PRAMEF10: variants seen among roughly 807,000 people sequenced by gnomAD.
The protein encoded by PRAMEF10 is PRAME family member 10.
A neutral mutation model predicts 27.7 loss-of-function variants in PRAMEF10; 4 were observed. The ratio of observed to expected loss-of-function variants is 0.14; its 90% CI spans 0.07 to 0.33. PRAMEF10 has a LOEUF of 0.33. Ranked by LOEUF, PRAMEF10 falls within the 10% of genes least tolerant of loss-of-function variation. The pLI is 1.00. For synonymous variants in PRAMEF10, 46 were observed against 176.0 expected (o/e 0.26, Z 5.85); for missense variants, 99 against 453.9 (o/e 0.22, Z 7.10).
intron 3 of PRAMEF10, among the ~76,000 whole-genome samples, chr1:12,894,201 C>G (rs1214909273): frequency 2.0e-5 from 3 of 147,410 alleles, no homozygotes; most frequent in African/African-American, 7.5e-5. Context: ...GCATGAGACA[C>G]CACAACCGGC....
At position 12,893,397 on chromosome 1, in the gene PRAMEF10, T is replaced by G. The variant is rs1429542330; in HGVS notation, c.944A>C (p.Gln315Pro). 3.7e-6 allele frequency: 6 copies of G among 1,606,488 alleles called. No homozygotes were observed. The East Asian group carries it at 1.3e-4, about 36-fold the overall frequency. Residue 315 changes from glutamine to proline, a missense_variant, in exon 4 of 4, where the codon CAG becomes CCG. Coordinates refer to ENST00000235347, the MANE Select transcript of PRAMEF10 (RefSeq NM_001039361.4). ...CTTTAGCTGACTGAGGCTTGGGTACTGAGACAGACACTCCATGTCCCGATC... is the reference window on the plus strand; with the variant it reads ...CTTTAGCTGACTGAGGCTTGGGTACGGAGACAGACACTCCATGTCCCGATC... The part of the protein sequence containing the change: ...LTDRDMECLS[Q>P]YPSLSQLKEL...
intron 1 of PRAMEF10, among the ~76,000 whole-genome samples, chr1:12,897,645 T>C (rs981210897): frequency 6.7e-6 from 1 of 149,628 alleles, no homozygotes; most frequent in South Asian, 2.1e-4. Context: ...TCACTTGAGG[T>C]CAGGAGTTTG....
intron 1 of PRAMEF10, among the ~76,000 whole-genome samples, chr1:12,896,415 T>TA (rs1262447274): frequency 1.3e-5 from 2 of 150,530 alleles, no homozygotes; most frequent in Non-Finnish European, 1.5e-5. Context: ...ACACACCTCT[T>TA]ACGCATGTTC....
chr1:12,893,327 C>T lies in PRAMEF10; in HGVS notation c.1014G>A (p.Glu338=), dbSNP rs1196064753. ...CTTTCTCCAGCAGAACTCCAAGGGG[C>T]TCAAGATTGGTGGTCCACATTAGGA... ...IHILMWTTNL[E]PLGVLLEKVA... The change falls in exon 4 of 4, where the codon GAG becomes GAA. Residue 338 remains glutamate (E), a synonymous_variant. Coordinates refer to ENST00000235347, the MANE Select transcript of PRAMEF10 (RefSeq NM_001039361.4). 6 of 1,611,618 alleles carry T rather than the reference C, an allele frequency of 3.7e-6. No homozygotes were observed. Among genetic ancestry groups the T allele is most frequent in the African/African-American group, 2.7e-5 (2 of 74,664 alleles).
At position 12,893,672 on chromosome 1, in the gene PRAMEF10, A is replaced by G. The variant is rs1164503655; in HGVS notation, c.867-198T>C. Among the ~76,000 whole-genome samples, 784 of 92,788 alleles carry G rather than the reference A, an allele frequency of 8.4e-3. 2 individuals are homozygous for G. Among genetic ancestry groups the G allele is most frequent in the Middle Eastern group, 0.016 (4 of 248 alleles). The allele number at this position is 92,788 out of a possible 152,430, so 60.9% of individuals were successfully genotyped here. The stretch of plus-strand genomic sequence containing the variant: ...TTCCCATCATCAGATGATGGTCTGC[A>G]TGCAAGGTGCTGCCTGATGAAGACT... On this transcript the variant is annotated intron_variant, in intron 3 of 3. Coordinates refer to ENST00000235347, the MANE Select transcript of PRAMEF10 (RefSeq NM_001039361.4).
chr1:12,893,342 C>T lies in PRAMEF10; in HGVS notation c.999G>A (p.Trp333Ter). ...KELRLIHILM[W>*]TTNLEPLGVL... ...CTCCAAGGGGCTCAAGATTGGTGGT[C>T]CACATTAGGATATGAATCAGACGCA... The change falls in exon 4 of 4, where the codon TGG becomes TGA. Residue 333 changes from tryptophan to a stop codon, truncating the protein, a stop_gained. Coordinates refer to ENST00000235347, the MANE Select transcript of PRAMEF10 (RefSeq NM_001039361.4). LOFTEE classifies it high-confidence loss of function. 1.2e-6 allele frequency: 2 copies of T among 1,611,680 alleles called. No individual in the cohort carries two copies. Among genetic ancestry groups the T allele is most frequent in the Admixed American group, 3.3e-5 (2 of 59,968 alleles).
rs1221735155 is a variant in PRAMEF10, at chr1:12,892,980, G to A, written c.1361C>T (p.Pro454Leu). The change falls in exon 4 of 4, where the codon CCC (proline) becomes CTC (leucine). Residue 454 changes from proline to leucine, a missense_variant. Pro to Leu is a moderately conservative substitution (Grantham distance 98, BLOSUM62 -3). Transcript: ENST00000235347. ...VRQPKRIFFG[P>L]VPCPNCGSWP... ...TGAGCCACAGTTAGGGCAAGGGACG[G>A]GACCAAAGAAGATCCTCTTGGGCTG... The A allele has an allele frequency of 5.7e-6, 9 of 1,574,522 alleles. 1 individual carries two copies. Among genetic ancestry groups the A allele is most frequent in the South Asian group, 1.1e-5 (1 of 89,492 alleles).
intron 1 of PRAMEF10, among the ~76,000 whole-genome samples, chr1:12,897,388 T>A (rs934946046): frequency 2.7e-5 from 4 of 149,980 alleles, no homozygotes; most frequent in Non-Finnish European, 5.9e-5. Flanking sequence ...TGGTTAAGAT[T>A]TTTTTTCTGT....
chr1:12,897,855 C>G (rs1451108514), intron 1 of PRAMEF10, among the ~76,000 whole-genome samples: 1 of 147,892 alleles, frequency 6.8e-6, no homozygotes, highest in African/African-American at 2.6e-5. Flanking sequence ...AGACTCCATC[C>G]CCCCTTCAAT....
chr1:12,894,001 A>G (rs1416392127), intron 3 of PRAMEF10, among the ~76,000 whole-genome samples: 1 of 144,372 alleles, frequency 6.9e-6, no homozygotes, highest in Non-Finnish European at 1.5e-5. Flanking sequence ...GACTCAGCTC[A>G]CTGCAGCCTC....
At position 12,893,285 on chromosome 1, in the gene PRAMEF10, C is replaced by T. The variant is rs1427373417; in HGVS notation, c.1056G>A (p.Lys352=). 1.9e-6 allele frequency: 3 copies of T among 1,611,654 alleles called. No individual in the cohort carries two copies. The highest frequency in any genetic ancestry group is 2.7e-5 in the African/African-American group (2 of 74,690). Residue 352 remains lysine, a synonymous_variant, in exon 4 of 4, where the codon AAG becomes AAA. Transcript: ENST00000235347. ...TCCGACAGTCCTTTAAGACGAGGGT[C>T]TTGAGAGTAGCAGCAACTTTCTCCA... The part of the protein sequence containing the change: ...VLLEKVAATL[K]TLVLKDCRIQ...
intron 1 of PRAMEF10, among the ~76,000 whole-genome samples, chr1:12,896,117 A>C (rs1471870711): frequency 1.4e-5 from 2 of 147,598 alleles, no homozygotes; most frequent in African/African-American, 5.0e-5. Flanking sequence ...CACTGTTGCA[A>C]TAAACTCATA....
chr1:12,895,039 C>T lies in PRAMEF10; in HGVS notation c.413G>A (p.Cys138Tyr), dbSNP rs199999065. 10 of 1,609,260 alleles carry T rather than the reference C, an allele frequency of 6.2e-6. No individual in the cohort carries two copies. Among genetic ancestry groups the T allele is most frequent in the South Asian group, 1.1e-5 (1 of 90,886 alleles). ...GGGCTGGCGCTCTCCCATCCTTGGACAGTCCTCCACTGTCTGCCTCTTACT... is the reference window on the plus strand; with the variant it reads ...GGGCTGGCGCTCTCCCATCCTTGGATAGTCCTCCACTGTCTGCCTCTTACT... ...AMSKRQTVED[C>Y]PRMGERQPLK... is the part of the protein sequence containing the mutation. Residue 138 changes from cysteine to tyrosine, a missense_variant, in exon 3 of 4, where the codon TGT (cysteine) becomes TAT (tyrosine). Transcript: ENST00000235347.
Position 12,895,169 on chromosome 1 carries a change from G to A in PRAMEF10, c.288-5C>T, listed in dbSNP as rs1192297785. The stretch of plus-strand genomic sequence containing the variant: ...AGCACTTGAAGTTTCCACCTCCTAT[G>A]AGTAACATAGGGGAAAAGCTCAGAA... On this transcript the variant is annotated splice_region_variant and splice_polypyrimidine_tract_variant and intron_variant, in intron 2 of 3. Coordinates refer to ENST00000235347, the MANE Select transcript of PRAMEF10 (RefSeq NM_001039361.4). The A allele has an allele frequency of 2.1e-6, 3 of 1,406,154 alleles. No individual in the cohort carries two copies. Among genetic ancestry groups the A allele is most frequent in the African/African-American group, 1.7e-5 (1 of 57,272 alleles). The allele number at this position is 1,406,154 out of a possible 1,614,324, so 87.1% of individuals were successfully genotyped here.
intron 2 of PRAMEF10, 98 bp from the exon 3 acceptor site, chr1:12,895,262 G>C: frequency 7.0e-6 from 5 of 718,662 alleles, no homozygotes; most frequent in South Asian, 3.3e-5. Context: ...AGCTGCTCCT[G>C]TCCTCAGTGC....
At chr1:12,893,551 A>C in intron 3 of PRAMEF10, 77 bp from the exon 4 acceptor site, 1 of 1,222,178 alleles carries the variant, frequency 8.2e-7, no homozygotes, top group African/African-American at 1.7e-5. Context: ...TCAATGGTAA[A>C]CTTGAAGTGG....
In PRAMEF10 at chr1:12,893,194, T is replaced by A. The variant is rs201082796; in HGVS notation, c.1147A>T (p.Asn383Tyr). Residue 383 changes from asparagine to tyrosine, a missense_variant, in exon 4 of 4, where the codon AAC becomes TAC. Physicochemically the swap from Asn to Tyr is moderately radical, Grantham distance 143 (BLOSUM62 -2). Coordinates refer to ENST00000235347, the MANE Select transcript of PRAMEF10 (RefSeq NM_001039361.4). ...LSHCSQLTTFNFHGNETSMNA... is the reference protein window; with the variant it reads ...LSHCSQLTTFYFHGNETSMNA... ...ATGGAGGTCTCATTTCCATGAAAGT[T>A]GAAGGTGGTGAGCTGGGAACAGTGG... 6,921 of 1,594,942 alleles carry A rather than the reference T, an allele frequency of 4.3e-3. 21 individuals are homozygous for A. In the African/African-American group the frequency reaches 0.056, roughly 13 times the overall value.
Position 12,893,250 on chromosome 1 carries a change from G to C in PRAMEF10, c.1091C>G (p.Pro364Arg), listed in dbSNP as rs1641156381. The part of the protein sequence containing the change: ...LVLKDCRIQD[P>R]QLRVLLPALS... ...GGCAGGCAGGAGGACCCTGAGTTGGGGGTCCTGGATCCGACAGTCCTTTAA... is the reference window on the plus strand; with the variant it reads ...GGCAGGCAGGAGGACCCTGAGTTGGCGGTCCTGGATCCGACAGTCCTTTAA... The change falls in exon 4 of 4, where the codon CCC becomes CGC. Residue 364 changes from proline (P) to arginine (R), a missense_variant. Transcript: ENST00000235347. 5 of 1,610,692 alleles carry C rather than the reference G, an allele frequency of 3.1e-6. No individual in the cohort carries two copies. The African/African-American group carries it at 6.7e-5, about 22-fold the overall frequency.
At position 12,894,104 on chromosome 1, in the gene PRAMEF10, G is replaced by A. The variant is rs1207207282; in HGVS notation, c.866+482C>T. On this transcript the variant is annotated intron_variant, in intron 3 of 3. Transcript: ENST00000235347. The stretch of plus-strand genomic sequence containing the variant: ...TTTTTTTTGTATTTTTAGTAGAGAC[G>A]GGGATTCACTGTGTTGGCCAGACTG... 3.0e-4 allele frequency among the ~76,000 whole-genome samples: 45 copies of A among 151,004 alleles called. 1 individual carries two copies. The highest frequency in any genetic ancestry group is 3.4e-3 in the Middle Eastern group (1 of 290).
Sources: gnomAD v4.1 joint callset for allele counts (sites outside exome capture counted in the v4.1 genomes callset) on GRCh38, gnomAD v4.1.1 for gene constraint, MANE v1.5 for transcripts, NCBI Gene and HGNC (gene_info 2026-07-23, HGNC 2026-07-21) for gene names.